Variants in RBFOX1 observed in about 807,000 individuals in gnomAD.
RBFOX1 encodes RNA binding fox-1 homolog 1.
RBFOX1 carries 8 observed loss-of-function variants against 57.7 expected under a neutral mutation model. That is an observed-to-expected ratio of 0.14 (90% confidence interval 0.08 to 0.25). The LOEUF (loss-of-function observed/expected upper bound fraction) is 0.25, where lower values mean the gene tolerates loss of function less well. RBFOX1 is among the 10% of genes least tolerant of loss of function. RBFOX1 has a pLI of 1.00. For synonymous variants in RBFOX1, 326 were observed against 222.4 expected (o/e 1.47, Z -4.15); for missense variants, 611 against 548.5 (o/e 1.11, Z -1.14).
intron 1 of RBFOX1, among the ~76,000 whole-genome samples, chr16:5,401,762 T>C (rs2066719423): frequency 1.1e-5 from 1 of 91,876 alleles, no homozygotes; most frequent in African/African-American, 4.3e-5. Flanking sequence ...TCTCCCTGTC[T>C]CTCTCCTCCT....
At chr16:6,678,947 T>C (rs549580551) in intron 3 of RBFOX1, among the ~76,000 whole-genome samples, 51 of 152,264 alleles carry the variant, frequency 3.3e-4, no homozygotes, top group African/African-American at 1.2e-3. Context: ...TGGCATTCAG[T>C]ATAATTGAAT....
intron 3 of RBFOX1, among the ~76,000 whole-genome samples, chr16:6,679,594 A>G (rs1366150415): frequency 6.6e-6 from 1 of 152,146 alleles, no homozygotes; most frequent in Non-Finnish European, 1.5e-5. Flanking sequence ...TTTTTATGCT[A>G]AGAACAAATA....
At chr16:6,589,407 G>A (rs2097678416) in intron 2 of RBFOX1, among the ~76,000 whole-genome samples, 1 of 152,208 alleles carries the variant, frequency 6.6e-6, no homozygotes, top group Non-Finnish European at 1.5e-5. Context: ...TATTTGGTGG[G>A]TAGGGGGTCA....
At chr16:5,883,026 G>C (rs2057801772) in intron 4 of RBFOX1, among the ~76,000 whole-genome samples, 1 of 152,168 alleles carries the variant, frequency 6.6e-6, no homozygotes, top group Admixed American at 6.5e-5. Flanking sequence ...TCCAGACCCT[G>C]CTCTTAGGAT....
intron 3 of RBFOX1, among the ~76,000 whole-genome samples, chr16:6,865,939 C>G (rs2059836143): frequency 6.6e-6 from 1 of 151,980 alleles, no homozygotes; most frequent in Admixed American, 6.6e-5. Context: ...TCATTTGGTT[C>G]TTGCACAGTA....
At chr16:7,000,639 C>T (rs1319655407) in intron 3 of RBFOX1, among the ~76,000 whole-genome samples, 1 of 123,042 alleles carries the variant, frequency 8.1e-6, no homozygotes, top group Non-Finnish European at 1.6e-5. Context: ...TCGCTCTCCT[C>T]TGTCGCCCAG....
At chr16:5,358,774 C>A (rs143123146) in intron 1 of RBFOX1, among the ~76,000 whole-genome samples, 77 of 152,312 alleles carry the variant, frequency 5.1e-4, no homozygotes, top group African/African-American at 1.8e-3. Flanking sequence ...TTGCGGTGAG[C>A]CGAGATCGCG....
intron 3 of RBFOX1, among the ~76,000 whole-genome samples, chr16:6,754,544 T>C (rs1355452987): frequency 6.6e-6 from 1 of 152,154 alleles, no homozygotes; most frequent in African/African-American, 2.4e-5. Context: ...TCTGCACTAA[T>C]TCCCACATAG....
intron 2 of RBFOX1, among the ~76,000 whole-genome samples, chr16:5,549,655 C>T (rs2045377618): frequency 6.6e-6 from 1 of 152,158 alleles, no homozygotes; most frequent in Non-Finnish European, 1.5e-5. Flanking sequence ...AAAACTTCAT[C>T]AGTGAGATGT....
intron 3 of RBFOX1, among the ~76,000 whole-genome samples, chr16:6,674,234 G>GTCTTTGCAGATGTTA (rs771552778): frequency 6.6e-6 from 1 of 152,130 alleles, no homozygotes; most frequent in Non-Finnish European, 1.5e-5. Flanking sequence ...TAGAGATAGG[G>GTCTTTGCAGATGTTA]TCTTTGCAGA....
intron 1 of RBFOX1, among the ~76,000 whole-genome samples, chr16:6,100,813 C>T (rs1300847814): frequency 6.6e-6 from 1 of 152,116 alleles, no homozygotes; most frequent in Non-Finnish European, 1.5e-5. Context: ...CCCTGGGTGG[C>T]CTGAACACCA....
At chr16:6,439,564 G>A (rs1340136293) in intron 2 of RBFOX1, among the ~76,000 whole-genome samples, 3 of 152,154 alleles carry the variant, frequency 2.0e-5, no homozygotes, top group East Asian at 3.9e-4. Flanking sequence ...TGGGTACAGG[G>A]AAGTGTTGAC....
intron 2 of RBFOX1, among the ~76,000 whole-genome samples, chr16:6,475,013 G>A (rs553137642): frequency 1.7e-4 from 26 of 152,294 alleles, no homozygotes; most frequent in African/African-American, 6.3e-4. Context: ...ACATTGCAAA[G>A]TGCAAAAGAT....
At chr16:7,053,099 C>A (rs780087416) in intron 4 of RBFOX1, among the ~76,000 whole-genome samples, 1 of 152,140 alleles carries the variant, frequency 6.6e-6, no homozygotes, top group African/African-American at 2.4e-5. Context: ...GAGCATTTAC[C>A]TAATGATAGT....
At chr16:7,348,815 G>C (rs374488038) in intron 4 of RBFOX1, among the ~76,000 whole-genome samples, 35 of 152,126 alleles carry the variant, frequency 2.3e-4, no homozygotes, top group East Asian at 7.7e-4. Flanking sequence ...GGTGGCACGT[G>C]CTTGTAATCC....
chr16:6,525,408 A>C (rs2096564678), intron 2 of RBFOX1, among the ~76,000 whole-genome samples: 1 of 152,176 alleles, frequency 6.6e-6, no homozygotes, highest in Non-Finnish European at 1.5e-5. Flanking sequence ...CATTGGTAGG[A>C]CCCTGGAGAC....
At chr16:7,586,603 C>G (rs1458236218) in intron 6 of RBFOX1, among the ~76,000 whole-genome samples, 2 of 152,170 alleles carry the variant, frequency 1.3e-5, no homozygotes, top group East Asian at 3.9e-4. Context: ...TAATCTGAGT[C>G]TCTGTTTCTG....
At chr16:6,202,035 G>A (rs1054927614) in intron 1 of RBFOX1, among the ~76,000 whole-genome samples, 2 of 152,020 alleles carry the variant, frequency 1.3e-5, no homozygotes, top group African/African-American at 4.8e-5. Context: ...ATGCAAACCA[G>A]CCCCTTCATC....
chr16:6,944,111 C>A (rs767737384), intron 3 of RBFOX1, among the ~76,000 whole-genome samples: 7 of 152,012 alleles, frequency 4.6e-5, no homozygotes, highest in African/African-American at 7.2e-5. Context: ...TAAGACCACA[C>A]CCTGGCCAGG....
Sources: gnomAD v4.1 joint callset for allele counts (sites outside exome capture counted in the v4.1 genomes callset) on GRCh38, gnomAD v4.1.1 for gene constraint, MANE v1.5 for transcripts, NCBI Gene and HGNC (gene_info 2026-07-23, HGNC 2026-07-21) for gene names.